Variants in FBXO6 observed in about 807,000 individuals in gnomAD.
FBXO6 encodes F-box only protein 6.
Under a neutral mutation model 25.0 loss-of-function variants are expected in FBXO6, and 13 were observed. That is an observed-to-expected ratio of 0.52 (90% CI 0.34 to 0.83). The LOEUF (loss-of-function observed/expected upper bound fraction) is 0.83, where lower values mean the gene tolerates loss of function less well. Among genes scored for constraint, FBXO6 ranks in the 40% least tolerant of loss-of-function variants. The probability of loss-of-function intolerance (pLI) is 0.02; values close to 1 mark genes in which losing one functional copy is unlikely to be tolerated. For missense variants in FBXO6, 370 were observed against 380.2 expected (o/e 0.97, Z 0.22); for synonymous variants, 138 against 155.3 (o/e 0.89, Z 0.83).
intron 1 of FBXO6, among the ~76,000 whole-genome samples, chr1:11,666,055 T>C (rs944972531): frequency 2.0e-5 from 3 of 149,304 alleles, no homozygotes; most frequent in Non-Finnish European, 4.4e-5. Context: ...TTTTTTTTTT[T>C]TTTGAGACAG....
rs372273657 is a variant in FBXO6 at position 11,668,928 on chromosome 1, C to T, written c.270C>T (p.Arg90=). 3.0e-5 allele frequency: 49 copies of T among 1,613,738 alleles called. No individual in the cohort carries two copies. In the African/African-American group the frequency reaches 5.7e-4, roughly 19 times the overall value. Residue 90 remains arginine, a synonymous_variant, in exon 2 of 6, where the codon CGC becomes CGT. Transcript: ENST00000376753. The stretch of plus-strand genomic sequence containing the variant: ...GGAGCCTGCATAGGAACCTCCTGCG[C>T]AACCCGTGTGCTGAAGGTGGCATGG... ...FLRSLHRNLL[R]NPCAEEDMFA... is the part of the protein sequence containing the mutation.
rs201372174 is a variant in FBXO6 at position 11,673,282 on chromosome 1, C to T, written c.515C>T (p.Ala172Val). ...RPDIVVKDWF[A>V]ARADCGCTYQ... is the part of the protein sequence containing the mutation. ...GCTCTCAACCCCTCCACCAGGTTTG[C>T]TGCCAGAGCCGACTGTGGCTGCACC... Residue 172 changes from alanine to valine, a missense_variant, in exon 5 of 6, where the codon GCT becomes GTT. Physicochemically the swap from Ala to Val is moderately conservative, Grantham distance 64 (BLOSUM62 0). Transcript: ENST00000376753. This position sits in a 1 kb window ranked among gnomAD's most constrained non-coding sequence, Gnocchi z 4.3. 3.1e-5 allele frequency: 50 copies of T among 1,612,280 alleles called. No homozygotes were observed. The Admixed American group carries it at 7.0e-4, about 23-fold the overall frequency.
At chr1:11,672,558 G>C (rs1208832597) in intron 4 of FBXO6, among the ~76,000 whole-genome samples, 1 of 152,156 alleles carries the variant, frequency 6.6e-6, no homozygotes, top group Non-Finnish European at 1.5e-5. Context: ...CCAAAGTGCT[G>C]GGATTACAGG....
At chr1:11,671,905 A>G in intron 3 of FBXO6, 23 bp from the exon 4 acceptor site, 1 of 1,605,818 alleles carries the variant, frequency 6.2e-7, no homozygotes, top group South Asian at 1.1e-5. Flanking sequence ...CCAGGTATGC[A>G]AGCCCCCAAC....
In FBXO6 at chr1:11,673,807, G is replaced by A. The variant is rs778928956; in HGVS notation, c.838G>A (p.Glu280Lys). ...GCCTGGGCAGAAGCATGGACAGGAG[G>A]AGGCTGCCCAATCGCCCTACCGAGC... ...AQPGQKHGQEEAAQSPYRAVV... is the reference protein window; with the variant it reads ...AQPGQKHGQEKAAQSPYRAVV... Residue 280 changes from glutamate to lysine, a missense_variant, in exon 6 of 6, where the codon GAG becomes AAG. Coordinates refer to ENST00000376753, the MANE Select transcript of FBXO6 (RefSeq NM_018438.6). This position sits in a 1 kb window ranked among gnomAD's most constrained non-coding sequence, Gnocchi z 4.3. 2.5e-6 allele frequency: 4 copies of A among 1,614,018 alleles called. No individual in the cohort carries two copies. Among genetic ancestry groups the A allele is most frequent in the East Asian group, 2.2e-5 (1 of 44,896 alleles).
At chr1:11,665,526 ATT>A (rs1408323207) in intron 1 of FBXO6, among the ~76,000 whole-genome samples, 2 of 133,038 alleles carry the variant, frequency 1.5e-5, no homozygotes, top group East Asian at 4.8e-4. Context: ...AAGTGCTGGG[ATT>A]ACAGGCGTGA....
intron 3 of FBXO6, 41 bp from the exon 4 acceptor site, chr1:11,671,887 G>A: frequency 6.5e-7 from 1 of 1,528,922 alleles, no homozygotes; most frequent in South Asian, 1.1e-5. Flanking sequence ...GGGCCATGCA[G>A]AGCACACCCA....
At chr1:11,665,076 G>A (rs1640372067) in intron 1 of FBXO6, among the ~76,000 whole-genome samples, 1 of 151,906 alleles carries the variant, frequency 6.6e-6, no homozygotes, top group African/African-American at 2.4e-5. Context: ...GCAGAGTCTT[G>A]CTCTGTCACC....
intron 2 of FBXO6, among the ~76,000 whole-genome samples, chr1:11,669,733 T>TACAC (rs1413160933): frequency 1.7e-5 from 2 of 118,670 alleles, no homozygotes; most frequent in South Asian, 2.9e-4. Flanking sequence ...TATATACATA[T>TACAC]ACATACACAC....
At chr1:11,670,641 G>C (rs976208440) in intron 2 of FBXO6, among the ~76,000 whole-genome samples, 10 of 81,782 alleles carry the variant, frequency 1.2e-4, no homozygotes, top group African/African-American at 3.2e-4. Flanking sequence ...AAAAAAAAGG[G>C]GGGGGGGGTG....
chr1:11,670,129 C>A lies in FBXO6; in HGVS notation c.287-1137C>A, dbSNP rs184016846. Among the ~76,000 whole-genome samples the A allele has an allele frequency of 2.0e-5, 3 of 150,602 alleles. No homozygotes were observed. The East Asian group carries it at 6.0e-4, about 30-fold the overall frequency. ...TTGGGAGGCTGAGGCAGGAGAATAG[C>A]GTGAACCTGGGAGGCGGAGCTTGCA... On this transcript the variant is annotated intron_variant, in intron 2 of 5. Coordinates refer to ENST00000376753, the MANE Select transcript of FBXO6 (RefSeq NM_018438.6).
intron 1 of FBXO6, 72 bp from the exon 2 acceptor site, chr1:11,668,584 C>T: frequency 6.4e-7 from 1 of 1,560,310 alleles, no homozygotes. Flanking sequence ...GAGAGGAGTC[C>T]CTGGCCTGGT....
At chr1:11,671,894 C>T (rs748990476) in intron 3 of FBXO6, 34 bp from the exon 4 acceptor site, 22 of 1,577,798 alleles carry the variant, frequency 1.4e-5, no homozygotes, top group Non-Finnish European at 1.8e-5. Flanking sequence ...GCAGAGCACA[C>T]CCAGGTATGC....
In FBXO6 at chr1:11,671,483, A is replaced by T. The variant is rs186742623; in HGVS notation, c.413+91A>T. ...TCTCAGGCAAAGTCTTCCTAAGGGA[A>T]GTCCTCTCTGCGAAGCTCGAGGGAG... is the stretch of plus-strand genomic sequence containing the variant. On this transcript the variant is annotated intron_variant, in intron 3 of 5. Coordinates refer to ENST00000376753, the MANE Select transcript of FBXO6 (RefSeq NM_018438.6). 3.2e-6 allele frequency: 5 copies of T among 1,552,642 alleles called. No homozygotes were observed. The Admixed American group carries it at 9.2e-5, about 29-fold the overall frequency.
At chr1:11,670,197 A>G (rs1271437271) in intron 2 of FBXO6, among the ~76,000 whole-genome samples, 1 of 148,838 alleles carries the variant, frequency 6.7e-6, no homozygotes, top group Non-Finnish European at 1.5e-5. Flanking sequence ...TGGGCAACAG[A>G]GCAAGACTCC....
chr1:11,665,199 C>G (rs1019454413), intron 1 of FBXO6, among the ~76,000 whole-genome samples: 2 of 143,726 alleles, frequency 1.4e-5, no homozygotes, highest in African/African-American at 5.2e-5. Context: ...CACGGGCCAC[C>G]AGGCCTAGCT....
Position 11,671,791 on chromosome 1 carries a change from C to T in FBXO6, c.414-137C>T, listed in dbSNP as rs1640622305. ...AGCCAGAGTCAGCCCCAGCCAGTGC[C>T]TGTCCCGCAGCGGCCAAGGGGTACC... On this transcript the variant is annotated intron_variant, in intron 3 of 5. Coordinates refer to ENST00000376753, the MANE Select transcript of FBXO6 (RefSeq NM_018438.6). 5.3e-6 allele frequency: 4 copies of T among 748,756 alleles called. No individual in the cohort carries two copies. The Admixed American group carries it at 8.4e-5, about 16-fold the overall frequency. 46.4% of individuals were successfully genotyped at this position (748,756 alleles called of 1,614,324 possible). A position where few individuals can be genotyped will look rare whatever the true frequency, so the allele number is the denominator to read the frequency against.
chr1:11,667,683 G>T (rs1392153136), intron 1 of FBXO6, among the ~76,000 whole-genome samples: 1 of 152,134 alleles, frequency 6.6e-6, no homozygotes, highest in African/African-American at 2.4e-5. Flanking sequence ...ATTCCCATGG[G>T]GTTGTTTTAT....
In FBXO6 at chr1:11,668,880, C is replaced by T; in HGVS notation, c.222C>T (p.Asp74=). The stretch of plus-strand genomic sequence containing the variant: ...AGGACTGGGACCAGCCCGTGGCCGA[C>T]TGGAAAATCTTCTACTTCCTACGGA... The part of the protein sequence containing the change: ...ITKDWDQPVA[D]WKIFYFLRSL... Residue 74 remains aspartate (D), a synonymous_variant, in exon 2 of 6, where the codon GAC becomes GAT. Coordinates refer to ENST00000376753, the MANE Select transcript of FBXO6 (RefSeq NM_018438.6). 1 of 1,614,184 alleles carries T rather than the reference C, an allele frequency of 6.2e-7. No individual in the cohort carries two copies.
Sources: allele counts gnomAD v4.1 joint callset (sites outside exome capture counted in the v4.1 genomes callset), GRCh38; gene constraint gnomAD v4.1.1; non-coding constraint Gnocchi (gnomAD v3.1); transcripts MANE v1.5; gene names NCBI Gene and HGNC (gene_info 2026-07-23, HGNC 2026-07-21).